Variants in AKAP6 observed in about 807,000 individuals in gnomAD.
The protein encoded by AKAP6 is A-kinase anchoring protein 6, also known as A-kinase anchor protein 6.
A neutral mutation model predicts 188.5 loss-of-function variants in AKAP6; 58 were observed. The observed-to-expected ratio is 0.31, with a 90% CI of 0.25 to 0.38. AKAP6 has a LOEUF of 0.38. Among genes scored for constraint, AKAP6 ranks in the 10% least tolerant of loss-of-function variants. The pLI is 1.00. For synonymous variants in AKAP6, 989 were observed against 998.6 expected, an observed-to-expected ratio of 0.99 and a Z score of 0.18; for missense variants, 2,710 against 2,740.0, an observed-to-expected ratio of 0.99 and a Z score of 0.24.
intron 7 of AKAP6, among the ~76,000 whole-genome samples, chr14:32,603,069 G>A (rs1426132368): frequency 6.6e-6 from 1 of 152,184 alleles, no homozygotes; most frequent in Non-Finnish European, 1.5e-5. Context: ...GCCAGGAGAA[G>A]TGATCTAGAT....
At chr14:32,626,403 T>A (rs1264499547) in intron 7 of AKAP6, among the ~76,000 whole-genome samples, 1 of 152,100 alleles carries the variant, frequency 6.6e-6, no homozygotes, top group African/African-American at 2.4e-5. Flanking sequence ...TTCATTGTCA[T>A]CTTCCTAAAA....
intron 12 of AKAP6, among the ~76,000 whole-genome samples, chr14:32,805,377 A>G (rs1412491162): frequency 6.6e-6 from 1 of 152,208 alleles, no homozygotes; most frequent in Non-Finnish European, 1.5e-5. Context: ...ACCATGATTC[A>G]TTTAGATGTG....
At chr14:32,599,146 T>C (rs961190423) in intron 5 of AKAP6, among the ~76,000 whole-genome samples, 2 of 152,184 alleles carry the variant, frequency 1.3e-5, no homozygotes, top group African/African-American at 2.4e-5. Context: ...ACTCTTGATA[T>C]AGCCTACGGG....
At chr14:32,745,175 A>T (rs1344941365) in intron 11 of AKAP6, among the ~76,000 whole-genome samples, 1 of 152,102 alleles carries the variant, frequency 6.6e-6, no homozygotes, top group Non-Finnish European at 1.5e-5. Flanking sequence ...GTTCTTCGGT[A>T]TCTGGGCATT....
chr14:32,388,918 G>A lies in AKAP6; in HGVS notation c.-34-44542G>A, dbSNP rs1043445995. Among the ~76,000 whole-genome samples, 6 of 152,202 alleles carry A rather than the reference G, an allele frequency of 3.9e-5. No homozygotes were observed. In the East Asian group the frequency reaches 1.2e-3, roughly 29 times the overall value. On this transcript the variant is annotated intron_variant, in intron 1 of 13. Transcript: ENST00000280979. Reference sequence around the variant, plus strand: ...TCAATTGTTTCTTTGTTGATTTTCTGTCTTGATGACTGTCTAGTGCTGTCA... The same window carrying A: ...TCAATTGTTTCTTTGTTGATTTTCTATCTTGATGACTGTCTAGTGCTGTCA...
chr14:32,466,691 A>G (rs910437793), intron 2 of AKAP6, among the ~76,000 whole-genome samples: 8 of 149,486 alleles, frequency 5.4e-5, no homozygotes, highest in East Asian at 2.0e-4. Context: ...ATGTATACCT[A>G]TGTAACAAAC....
intron 1 of AKAP6, among the ~76,000 whole-genome samples, chr14:32,394,672 G>A (rs1159910827): frequency 6.6e-6 from 1 of 152,134 alleles, no homozygotes; most frequent in Non-Finnish European, 1.5e-5. Flanking sequence ...GAACTTGGCT[G>A]TGCTGCATTT....
rs1317095447 is a variant in AKAP6, at chr14:32,822,441, G to A, written c.4628G>A (p.Ser1543Asn). ...SHEMDRISYK[S>N]GNIEKTFTGM... ...GAAATGGATCGCATTTCATATAAAA[G>A]TGGCAATATAGAAAAGACATTCACT... Residue 1543 changes from serine to asparagine, a missense_variant, in exon 13 of 14, where the codon AGT becomes AAT. Ser to Asn is a conservative substitution (Grantham distance 46). This residue lies in a region of AKAP6 where 2,473 missense variants were observed against 2,426.1 expected (regional missense o/e 1.02). Transcript: ENST00000280979. 2 of 1,613,886 alleles carry A rather than the reference G, an allele frequency of 1.2e-6. No individual in the cohort carries two copies. The highest frequency in any genetic ancestry group is 8.5e-7 in the Non-Finnish European group (1 of 1,179,960).
chr14:32,625,617 T>G (rs1272851149), intron 7 of AKAP6, among the ~76,000 whole-genome samples: 1 of 151,268 alleles, frequency 6.6e-6, no homozygotes, highest in Non-Finnish European at 1.5e-5. Flanking sequence ...ACTATTTCAC[T>G]GCAGCCTGGA....
intron 3 of AKAP6, 93 bp downstream of exon 3, chr14:32,535,898 T>A: frequency 6.6e-7 from 1 of 1,512,578 alleles, no homozygotes; most frequent in Non-Finnish European, 8.9e-7. Flanking sequence ...GAATTCTTTG[T>A]AGGTAAATAA....
chr14:32,827,223 C>G (rs1336042194), intron 13 of AKAP6, among the ~76,000 whole-genome samples: 2 of 152,032 alleles, frequency 1.3e-5, no homozygotes, highest in Non-Finnish European at 2.9e-5. Flanking sequence ...TAATTGTTGT[C>G]ATTGTTCTTA....
intron 2 of AKAP6, among the ~76,000 whole-genome samples, chr14:32,488,705 T>C (rs1353804486): frequency 1.3e-5 from 2 of 152,066 alleles, no homozygotes; most frequent in African/African-American, 4.8e-5. Flanking sequence ...GCAAAGACAG[T>C]GGGAAAAGCA....
chr14:32,726,044 A>G (rs2030854813), intron 9 of AKAP6, among the ~76,000 whole-genome samples: 1 of 152,180 alleles, frequency 6.6e-6, no homozygotes, highest in African/African-American at 2.4e-5. Context: ...GACCAACTGA[A>G]GTCATGGTGT....
In AKAP6 at chr14:32,564,824, G is replaced by C. The variant is rs985757116; in HGVS notation, c.2347-12296G>C. On this transcript the variant is annotated intron_variant, in intron 4 of 13. Transcript: ENST00000280979. ...GATCTTGCAAGCTTGTCACAAAGTG[G>C]CAGCAAATACTTTCTTTCCCAAGAT... Among the ~76,000 whole-genome samples, 5 of 151,558 alleles carry C rather than the reference G, an allele frequency of 3.3e-5. No homozygotes were observed. The East Asian group carries it at 5.9e-4, about 18-fold the overall frequency.
intron 5 of AKAP6, among the ~76,000 whole-genome samples, chr14:32,586,041 A>G (rs760564766): frequency 4.9e-4 from 74 of 152,206 alleles, no homozygotes; most frequent in Middle Eastern, 3.4e-3. Context: ...CATATATTTG[A>G]TGGGGGTAGG....
At chr14:32,666,236 T>C (rs952969567) in intron 7 of AKAP6, among the ~76,000 whole-genome samples, 4 of 152,100 alleles carry the variant, frequency 2.6e-5, no homozygotes, top group Non-Finnish European at 5.9e-5. Context: ...TTTCTGTCTT[T>C]TCTTCATCTT....
intron 5 of AKAP6, among the ~76,000 whole-genome samples, chr14:32,587,432 C>T (rs749981940): frequency 1.7e-4 from 26 of 152,086 alleles, no homozygotes; most frequent in Non-Finnish European, 2.2e-4. Flanking sequence ...GGCAAAAGCA[C>T]GTTTGGATTC....
intron 2 of AKAP6, among the ~76,000 whole-genome samples, chr14:32,490,406 T>G (rs935452458): frequency 9.9e-5 from 15 of 152,198 alleles, no homozygotes; most frequent in African/African-American, 3.6e-4. Context: ...TTTTAAAAAT[T>G]TCTTTCAAAC....
chr14:32,799,194 C>G (rs1380982977), intron 12 of AKAP6, among the ~76,000 whole-genome samples: 1 of 152,166 alleles, frequency 6.6e-6, no homozygotes, highest in African/African-American at 2.4e-5. Flanking sequence ...TGCTCTCCTC[C>G]TTTTCAGCAA....
Sources: gnomAD v4.1 joint callset for allele counts (sites outside exome capture counted in the v4.1 genomes callset) on GRCh38, gnomAD v4.1.1 for gene constraint, gnomAD v4.1.1 regional missense constraint, MANE v1.5 for transcripts, NCBI Gene and HGNC (gene_info 2026-07-23, HGNC 2026-07-21) for gene names.